Variants in DLG2 observed in about 807,000 individuals in gnomAD.
The protein encoded by DLG2 is disks large homolog 2.
In DLG2, 45 loss-of-function variants were observed where a neutral mutation model predicts 132.5. The ratio of observed to expected loss-of-function variants is 0.34; its 90% CI spans 0.27 to 0.44. The LOEUF is 0.44. Among genes scored for constraint, DLG2 ranks in the 20% least tolerant of loss-of-function variants. The pLI, the probability that DLG2 is intolerant of heterozygous loss-of-function variation, is 1.00. For synonymous variants in DLG2, 424 were observed against 419.6 expected, an observed-to-expected ratio of 1.01 and a Z score of -0.13; for missense variants, 1,045 against 1,196.9, an observed-to-expected ratio of 0.87 and a Z score of 1.87.
chr11:85,529,993 T>TG (rs748640465), intron 3 of DLG2, among the ~76,000 whole-genome samples: 74 of 149,920 alleles, frequency 4.9e-4, no homozygotes, highest in African/African-American at 8.8e-4. Flanking sequence ...GTTTGTTTTT[T>TG]TTTTTTTTTT....
Position 85,311,170 on chromosome 11 carries a change from C to T in DLG2, c.41-25805G>A, listed in dbSNP as rs538641115. Among the ~76,000 whole-genome samples the T allele has an allele frequency of 1.1e-4, 16 of 152,212 alleles. No homozygotes were observed. The South Asian group carries it at 2.9e-3, about 28-fold the overall frequency. On this transcript the variant is annotated intron_variant, in intron 3 of 27. Transcript: ENST00000376104. Reference sequence around the variant, plus strand: ...AGCCTAAAATATTTGCTATTTGGCCCGTTACAGAAATGTTTACCAACTCTT... The same window carrying T: ...AGCCTAAAATATTTGCTATTTGGCCTGTTACAGAAATGTTTACCAACTCTT...
At chr11:85,066,341 G>A (rs1479083553) in intron 6 of DLG2, among the ~76,000 whole-genome samples, 1 of 151,712 alleles carries the variant, frequency 6.6e-6, no homozygotes. Flanking sequence ...GTGACAGAGG[G>A]ATTCATAGCT....
At chr11:84,516,656 T>A (rs967647456) in intron 7 of DLG2, among the ~76,000 whole-genome samples, 13 of 151,458 alleles carry the variant, frequency 8.6e-5, no homozygotes, top group Non-Finnish European at 1.9e-4. Flanking sequence ...TGCCAATTCT[T>A]CTCAAACACT....
chr11:84,052,148 T>G (rs1339954057), intron 11 of DLG2, among the ~76,000 whole-genome samples: 1 of 151,866 alleles, frequency 6.6e-6, no homozygotes, highest in Non-Finnish European at 1.5e-5. Context: ...CCCAAACATA[T>G]ATGTGCATTT....
At chr11:85,206,768 G>C (rs572681075) in intron 4 of DLG2, among the ~76,000 whole-genome samples, 1 of 152,190 alleles carries the variant, frequency 6.6e-6, no homozygotes. Context: ...GGGAGGCAGA[G>C]CTTGCAGTGA....
chr11:84,498,068 A>T (rs1195553569), intron 7 of DLG2, among the ~76,000 whole-genome samples: 1 of 152,200 alleles, frequency 6.6e-6, no homozygotes, highest in Non-Finnish European at 1.5e-5. Flanking sequence ...AGACTTGCTC[A>T]TTGGAGTGGA....
chr11:85,169,142 A>G (rs2152489833), intron 4 of DLG2, among the ~76,000 whole-genome samples: 1 of 152,296 alleles, frequency 6.6e-6, no homozygotes, highest in African/African-American at 2.4e-5. Context: ...ATACAATGGG[A>G]ACGCTATAAA....
intron 3 of DLG2, among the ~76,000 whole-genome samples, chr11:85,499,763 T>C (rs958188147): frequency 5.9e-5 from 9 of 152,174 alleles, no homozygotes; most frequent in Admixed American, 4.6e-4. Flanking sequence ...CACGTCTGCT[T>C]CATCCCTGGG....
At chr11:84,921,022 T>G (rs2092729393) in intron 6 of DLG2, among the ~76,000 whole-genome samples, 1 of 151,922 alleles carries the variant, frequency 6.6e-6, no homozygotes, top group South Asian at 2.1e-4. Flanking sequence ...AAGAGAGAAT[T>G]CAACAGAACC....
intron 6 of DLG2, among the ~76,000 whole-genome samples, chr11:84,965,330 C>A (rs2154111803): frequency 6.6e-6 from 1 of 151,908 alleles, no homozygotes; most frequent in African/African-American, 2.4e-5. Flanking sequence ...ATTATGATAT[C>A]AAATGTTCTC....
chr11:83,947,833 CTGGCTTCTGGCTTCTGAG>C (rs994133714), intron 14 of DLG2, among the ~76,000 whole-genome samples: 2 of 152,200 alleles, frequency 1.3e-5, no homozygotes, highest in African/African-American at 4.8e-5. Flanking sequence ...TATCCTCCTT[CTGGCTTCTGGCTTCTGAG>C]TTTGTCACTT....
At chr11:85,604,509 C>T (rs2080388789) in intron 2 of DLG2, among the ~76,000 whole-genome samples, 1 of 152,056 alleles carries the variant, frequency 6.6e-6, no homozygotes, top group Non-Finnish European at 1.5e-5. Flanking sequence ...ATTATCCAAG[C>T]AAGTCAAGAT....
chr11:84,867,613 A>G (rs916929177), intron 6 of DLG2, among the ~76,000 whole-genome samples: 1 of 152,238 alleles, frequency 6.6e-6, no homozygotes, highest in African/African-American at 2.4e-5. Flanking sequence ...GAATTAGAAA[A>G]CACTGCCAAG....
At chr11:84,435,857 T>G (rs1218967648) in intron 7 of DLG2, among the ~76,000 whole-genome samples, 1 of 152,104 alleles carries the variant, frequency 6.6e-6, no homozygotes, top group East Asian at 1.9e-4. Flanking sequence ...TCTGGGAGAT[T>G]CAACTTTCTT....
At chr11:84,647,785 G>A (rs1230722747) in intron 6 of DLG2, among the ~76,000 whole-genome samples, 1 of 152,096 alleles carries the variant, frequency 6.6e-6, no homozygotes, top group South Asian at 2.1e-4. Flanking sequence ...GATCCTACTA[G>A]GCTTTCTAGC....
intron 6 of DLG2, among the ~76,000 whole-genome samples, chr11:84,827,067 A>T (rs2078416136): frequency 6.6e-6 from 1 of 151,790 alleles, no homozygotes; most frequent in Non-Finnish European, 1.5e-5. Flanking sequence ...GCCTCTAAAG[A>T]AACCACCTGC....
intron 3 of DLG2, among the ~76,000 whole-genome samples, chr11:85,349,316 C>G (rs12794044): frequency 0.014 from 2,179 of 152,122 alleles, 30 homozygotes; most frequent in Non-Finnish European, 0.025. Flanking sequence ...AAAGAAACAC[C>G]AAAAGAAACA....
At chr11:84,865,191 C>T (rs1480401088) in intron 6 of DLG2, among the ~76,000 whole-genome samples, 1 of 152,132 alleles carries the variant, frequency 6.6e-6, no homozygotes, top group Admixed American at 6.5e-5. Flanking sequence ...CCACTCCTGA[C>T]TCTTGCTGTA....
At chr11:84,069,343 AACCC>A in intron 10 of DLG2, among the ~76,000 whole-genome samples, 1 of 152,200 alleles carries the variant, frequency 6.6e-6, no homozygotes, top group East Asian at 1.9e-4. Context: ...TCTGACTCCA[AACCC>A]AACCCCTCTA....
Sources: allele counts gnomAD v4.1 joint callset (sites outside exome capture counted in the v4.1 genomes callset), GRCh38; gene constraint gnomAD v4.1.1; transcripts MANE v1.5; gene names NCBI Gene and HGNC (gene_info 2026-07-23, HGNC 2026-07-21).